PRMT8: variants seen among roughly 807,000 people sequenced by gnomAD.
PRMT8 encodes the protein protein arginine N-methyltransferase 8.
PRMT8 carries 7 observed loss-of-function variants against 47.1 expected under a neutral mutation model. That is an observed-to-expected ratio of 0.15 (90% confidence interval 0.08 to 0.28). PRMT8 has a LOEUF of 0.28. Ranked by LOEUF, PRMT8 falls within the 10% of genes least tolerant of loss-of-function variation. The probability of loss-of-function intolerance (pLI) is 1.00; values close to 1 mark genes in which losing one functional copy is unlikely to be tolerated. For missense variants in PRMT8, 237 were observed against 505.4 expected (o/e 0.47, Z 5.09); for synonymous variants, 188 against 186.5 (o/e 1.01, Z -0.07).
In PRMT8 at chr12:3,493,636, G is replaced by C. The variant is rs148977153; in HGVS notation, c.75+1936G>C. 0.012 allele frequency among the ~76,000 whole-genome samples: 1,880 copies of C among 152,284 alleles called. 36 individuals are homozygous for C. The highest frequency in any genetic ancestry group is 0.041 in the African/African-American group (1,691 of 41,534). ...CTCCCAGCCTCGGCGAGGGTTAAAG[G>C]CGTCCGGAGCAGGCAGAGCGCCGCG... On this transcript the variant is annotated intron_variant, in intron 1 of 9. Transcript: ENST00000382622. This position sits in a 1 kb window ranked among gnomAD's most constrained non-coding sequence, Gnocchi z 8.2.
At chr12:3,591,517 A>G (rs1004366018) in intron 8 of PRMT8, among the ~76,000 whole-genome samples, 5 of 151,152 alleles carry the variant, frequency 3.3e-5, no homozygotes, top group Admixed American at 2.6e-4. Context: ...CCCAGGCTCA[A>G]TGCATCCTCC....
rs57739335 is a variant in PRMT8 at position 3,580,337 on chromosome 12, CGTGTGTGTGT to C, written c.829-2700_829-2691del. Among the ~76,000 whole-genome samples the C allele has an allele frequency of 6.9e-5, 10 of 145,644 alleles. No homozygotes were observed. Among genetic ancestry groups the C allele is most frequent in the Non-Finnish European group, 1.2e-4 (8 of 65,884 alleles). ...TCCTGCCAGATGGGGGGTGCGTGTGCGTGTGTGTGTGTGTGTGTGTGTGTGTGTGTACGCG... is the reference window on the plus strand; with the variant it reads ...TCCTGCCAGATGGGGGGTGCGTGTGCGTGTGTGTGTGTGTGTGTGTACGCG... On this transcript the variant is annotated intron_variant, in intron 7 of 9. Transcript: ENST00000382622. The surrounding 1 kb of genome is among the most constrained non-coding windows in gnomAD (Gnocchi z 4.6).
chr12:3,541,087 C>T (rs1866220502), intron 2 of PRMT8, among the ~76,000 whole-genome samples: 1 of 152,244 alleles, frequency 6.6e-6, no homozygotes, highest in Admixed American at 6.5e-5. Context: ...TCTCCCCAGC[C>T]ATAAACCCAG....
intron 1 of PRMT8, among the ~76,000 whole-genome samples, chr12:3,412,109 T>C (rs1352683307): frequency 1.3e-5 from 2 of 152,242 alleles, no homozygotes; most frequent in African/African-American, 4.8e-5. Context: ...CTAGATGCTA[T>C]AACCGACTGC....
chr12:3,440,380 A>G (rs1864787916), intron 1 of PRMT8, among the ~76,000 whole-genome samples: 1 of 152,152 alleles, frequency 6.6e-6, no homozygotes, highest in Admixed American at 6.5e-5. Context: ...GAGAATTGCT[A>G]GAACCTGGGA....
intron 1 of PRMT8, among the ~76,000 whole-genome samples, chr12:3,397,218 G>A (rs929729509): frequency 1.1e-4 from 16 of 151,968 alleles, no homozygotes; most frequent in Admixed American, 2.0e-4. Context: ...GCTCGTCAAA[G>A]TCATTCTCCG....
chr12:3,430,069 C>T (rs1054647915), intron 1 of PRMT8, among the ~76,000 whole-genome samples: 18 of 152,194 alleles, frequency 1.2e-4, no homozygotes, highest in Non-Finnish European at 2.2e-4. Context: ...ACTCATGTCT[C>T]CAAAAACTGA....
chr12:3,408,238 CT>C (rs978216332), intron 1 of PRMT8, among the ~76,000 whole-genome samples: 1 of 140,634 alleles, frequency 7.1e-6, no homozygotes, highest in African/African-American at 2.6e-5. Flanking sequence ...CTTTTCTTTT[CT>C]TTTTTTTCTT....
intron 7 of PRMT8, among the ~76,000 whole-genome samples, chr12:3,578,142 T>A (rs1331579262): frequency 6.6e-6 from 1 of 152,214 alleles, no homozygotes; most frequent in Non-Finnish European, 1.5e-5. Context: ...AGACAGAATC[T>A]CACTCTGTCA....
chr12:3,590,845 A>C (rs1270118301), intron 8 of PRMT8, among the ~76,000 whole-genome samples: 1 of 152,120 alleles, frequency 6.6e-6, no homozygotes. Flanking sequence ...ATACTCGTAG[A>C]TCTACCAAGC....
intron 1 of PRMT8, among the ~76,000 whole-genome samples, chr12:3,390,568 G>T (rs1370808707): frequency 1.3e-5 from 2 of 152,106 alleles, no homozygotes; most frequent in African/African-American, 4.8e-5. Context: ...CTACCATTAC[G>T]ATTCCTGTTC....
chr12:3,468,402 T>C (rs1219421814), intron 1 of PRMT8, among the ~76,000 whole-genome samples: 4 of 152,156 alleles, frequency 2.6e-5, no homozygotes, highest in African/African-American at 9.7e-5. Flanking sequence ...AAGATTATAG[T>C]CTTGCTTTTT....
At chr12:3,403,390 A>T (rs1864337997) in intron 1 of PRMT8, among the ~76,000 whole-genome samples, 1 of 151,954 alleles carries the variant, frequency 6.6e-6, no homozygotes, top group African/African-American at 2.4e-5. Flanking sequence ...TGACAGGATG[A>T]TCTGTGCAGC....
At chr12:3,423,562 C>T (rs1345628774) in intron 1 of PRMT8, among the ~76,000 whole-genome samples, 2 of 152,190 alleles carry the variant, frequency 1.3e-5, no homozygotes, top group Non-Finnish European at 2.9e-5. Flanking sequence ...CAGGAGTTCA[C>T]CTGTCTTTAT....
At chr12:3,510,219 G>A (rs1865691313) in intron 1 of PRMT8, among the ~76,000 whole-genome samples, 1 of 151,908 alleles carries the variant, frequency 6.6e-6, no homozygotes, top group African/African-American at 2.4e-5. Context: ...GGGGTGGGGC[G>A]GCTCTGCAGA....
intron 1 of PRMT8, among the ~76,000 whole-genome samples, chr12:3,468,259 G>A (rs1397396310): frequency 6.6e-6 from 1 of 152,190 alleles, no homozygotes; most frequent in African/African-American, 2.4e-5. Context: ...TTACCTAGAA[G>A]ACGAGAAAAA....
At chr12:3,449,287 T>C (rs1302220841) in intron 1 of PRMT8, among the ~76,000 whole-genome samples, 2 of 152,198 alleles carry the variant, frequency 1.3e-5, no homozygotes, top group Non-Finnish European at 2.9e-5. Context: ...GTATTTCTGG[T>C]TCTGGGTCTT....
chr12:3,589,177 A>C (rs1421532678), intron 8 of PRMT8, among the ~76,000 whole-genome samples: 1 of 152,202 alleles, frequency 6.6e-6, no homozygotes, highest in Non-Finnish European at 1.5e-5. Flanking sequence ...GCATCTTTCC[A>C]TTAAGGACAC....
chr12:3,514,763 T>TG lies in PRMT8; in HGVS notation c.75+23068dup, dbSNP rs1056650051. 4.6e-5 allele frequency among the ~76,000 whole-genome samples: 7 copies of TG among 152,220 alleles called. No homozygotes were observed. Among genetic ancestry groups the TG allele is most frequent in the African/African-American group, 9.6e-5 (4 of 41,536 alleles). On this transcript the variant is annotated intron_variant, in intron 1 of 9. Transcript: ENST00000382622. The surrounding 1 kb of genome is among the most constrained non-coding windows in gnomAD (Gnocchi z 5.9). Reference sequence around the variant, plus strand: ...CATTGATTCCCTCGGCCCCTCCCTATGGGGGTCACTGTCGACCTGCTCTTT... The same window carrying TG: ...CATTGATTCCCTCGGCCCCTCCCTATGGGGGGTCACTGTCGACCTGCTCTTT...
Sources: allele counts gnomAD v4.1 joint callset (sites outside exome capture counted in the v4.1 genomes callset), GRCh38; gene constraint gnomAD v4.1.1; non-coding constraint Gnocchi (gnomAD v3.1); transcripts MANE v1.5; gene names NCBI Gene and HGNC (gene_info 2026-07-23, HGNC 2026-07-21).